The following VWC2L variants were observed in gnomAD, a reference collection of about 807,000 sequenced individuals.
VWC2L encodes von Willebrand factor C domain containing 2 like.
A neutral mutation model predicts 21.6 loss-of-function variants in VWC2L; 10 were observed. The ratio of observed to expected loss-of-function variants is 0.46; its 90% CI spans 0.29 to 0.78. The LOEUF (loss-of-function observed/expected upper bound fraction) is 0.78, where lower values mean the gene tolerates loss of function less well. VWC2L is among the 30% of genes least tolerant of loss of function. The pLI, the probability that VWC2L is intolerant of heterozygous loss-of-function variation, is 0.10. For missense variants in VWC2L, 209 were observed against 277.1 expected (o/e 0.75, Z 1.74); for synonymous variants, 96 against 94.3 (o/e 1.02, Z -0.10).
In VWC2L at chr2:214,503,743, A is replaced by C. The variant is rs1020117078; in HGVS notation, c.520+66985A>C. Reference sequence around the variant, plus strand: ...AACCAGAAATGAGAAAAAAAAAAAAACAGAAATGATAAAAGTTTCTGTTTC... The same window carrying C: ...AACCAGAAATGAGAAAAAAAAAAAACCAGAAATGATAAAAGTTTCTGTTTC... On this transcript the variant is annotated intron_variant, in intron 3 of 3. Coordinates refer to ENST00000312504, the MANE Select transcript of VWC2L (RefSeq NM_001080500.4). Among the ~76,000 whole-genome samples the C allele has an allele frequency of 3.3e-5, 5 of 150,112 alleles. No homozygotes were observed. In the East Asian group the frequency reaches 5.9e-4, roughly 18 times the overall value.
intron 2 of VWC2L, among the ~76,000 whole-genome samples, chr2:214,416,751 G>T (rs775849139): frequency 2.6e-5 from 4 of 152,046 alleles, no homozygotes; most frequent in African/African-American, 4.8e-5. Flanking sequence ...TTGATCCATA[G>T]TGGTATTGAC....
At chr2:214,555,292 C>T (rs1417777940) in intron 3 of VWC2L, among the ~76,000 whole-genome samples, 1 of 152,172 alleles carries the variant, frequency 6.6e-6, no homozygotes, top group African/African-American at 2.4e-5. Context: ...CTGCTTGTAA[C>T]TTCTACGTCT....
intron 3 of VWC2L, among the ~76,000 whole-genome samples, chr2:214,480,822 G>A (rs542696581): frequency 9.0e-4 from 119 of 132,376 alleles, no homozygotes; most frequent in Non-Finnish European, 1.2e-3. Context: ...CAGAATAAAA[G>A]GCTGAAAAAG....
At chr2:214,455,783 A>G (rs1381187347) in intron 3 of VWC2L, among the ~76,000 whole-genome samples, 1 of 152,152 alleles carries the variant, frequency 6.6e-6, no homozygotes, top group Non-Finnish European at 1.5e-5. Flanking sequence ...TCCCACATGT[A>G]AGTGTAAACA....
chr2:214,455,606 T>C (rs1703045468), intron 3 of VWC2L, among the ~76,000 whole-genome samples: 1 of 152,206 alleles, frequency 6.6e-6, no homozygotes, highest in Non-Finnish European at 1.5e-5. Flanking sequence ...TTAACTATAG[T>C]CACCTTACTT....
chr2:214,500,893 C>A (rs555458722), intron 3 of VWC2L, among the ~76,000 whole-genome samples: 17 of 152,310 alleles, frequency 1.1e-4, no homozygotes, highest in African/African-American at 3.4e-4. Context: ...AGACCTTTCT[C>A]AGTGTTTTCA....
At chr2:214,477,254 A>G (rs1688538504) in intron 3 of VWC2L, among the ~76,000 whole-genome samples, 1 of 152,200 alleles carries the variant, frequency 6.6e-6, no homozygotes, top group Non-Finnish European at 1.5e-5. Context: ...TCCTATAGCA[A>G]TGTTGGGAAA....
chr2:214,516,782 C>T (rs1388756129), intron 3 of VWC2L, among the ~76,000 whole-genome samples: 1 of 152,010 alleles, frequency 6.6e-6, no homozygotes, highest in East Asian at 1.9e-4. Context: ...GGCATGTAGA[C>T]TTACGTTTGG....
chr2:214,551,818 T>C (rs1179794035), intron 3 of VWC2L, among the ~76,000 whole-genome samples: 1 of 152,158 alleles, frequency 6.6e-6, no homozygotes, highest in Non-Finnish European at 1.5e-5. Flanking sequence ...GAAGCCAGGG[T>C]ATTTCTCCCA....
In VWC2L at chr2:214,441,410, A is replaced by T. The variant is rs918260141; in HGVS notation, c.520+4652A>T. Among the ~76,000 whole-genome samples the T allele has an allele frequency of 1.6e-4, 24 of 152,210 alleles. No homozygotes were observed. The East Asian group carries it at 4.0e-3, about 26-fold the overall frequency. On this transcript the variant is annotated intron_variant, in intron 3 of 3. Coordinates refer to ENST00000312504, the MANE Select transcript of VWC2L (RefSeq NM_001080500.4). ...TGAATTGTCTAATAAATATATAAAA[A>T]ATATATAATAATCACCAAATGGATA...
At chr2:214,472,858 C>A (rs995088610) in intron 3 of VWC2L, among the ~76,000 whole-genome samples, 6 of 152,214 alleles carry the variant, frequency 3.9e-5, no homozygotes, top group African/African-American at 1.2e-4. Context: ...GCAGGCTTGT[C>A]ATTTCAGTGT....
At chr2:214,570,546 A>G (rs917363176) in intron 3 of VWC2L, among the ~76,000 whole-genome samples, 1 of 151,914 alleles carries the variant, frequency 6.6e-6, no homozygotes, top group African/African-American at 2.4e-5. Flanking sequence ...TGCATTTTTC[A>G]TAGTGATGGG....
intron 2 of VWC2L, among the ~76,000 whole-genome samples, chr2:214,418,700 C>A (rs925618179): frequency 2.0e-4 from 30 of 152,026 alleles, no homozygotes; most frequent in African/African-American, 7.3e-4. Context: ...GTAATCAAAC[C>A]TATAGGATAA....
At chr2:214,558,218 G>A (rs374640311) in intron 3 of VWC2L, among the ~76,000 whole-genome samples, 1 of 151,742 alleles carries the variant, frequency 6.6e-6, no homozygotes, top group African/African-American at 2.4e-5. Context: ...GTCTTCTTAG[G>A]TGGCTCCATC....
intron 3 of VWC2L, among the ~76,000 whole-genome samples, chr2:214,527,129 A>C (rs952387706): frequency 3.3e-5 from 5 of 152,166 alleles, no homozygotes; most frequent in African/African-American, 1.2e-4. Flanking sequence ...CATTATACTA[A>C]GCAAATTAAC....
intron 3 of VWC2L, among the ~76,000 whole-genome samples, chr2:214,463,601 A>C (rs1162013529): frequency 6.6e-6 from 1 of 152,102 alleles, no homozygotes; most frequent in African/African-American, 2.4e-5. Context: ...TTATCAGTTT[A>C]ATTTTTTCTG....
At chr2:214,478,441 T>A (rs1357387763) in intron 3 of VWC2L, among the ~76,000 whole-genome samples, 1 of 150,396 alleles carries the variant, frequency 6.6e-6, no homozygotes, top group Non-Finnish European at 1.5e-5. Flanking sequence ...ATCGCGCCAC[T>A]GCACTCTAGC....
At chr2:214,435,880 C>T (rs1261268210) in intron 2 of VWC2L, among the ~76,000 whole-genome samples, 7 of 152,124 alleles carry the variant, frequency 4.6e-5, no homozygotes, top group East Asian at 3.8e-4. Context: ...TAAACACTCT[C>T]GGCCGGTAAG....
At position 214,482,893 on chromosome 2, in the gene VWC2L, C is replaced by T. The variant is rs538047181; in HGVS notation, c.520+46135C>T. ...CTGGATTCTGAGCATCTGCCCCATT[C>T]GAGGGGGCGGGGCAGAAGTGTCAAA... On this transcript the variant is annotated intron_variant, in intron 3 of 3. Coordinates refer to ENST00000312504, the MANE Select transcript of VWC2L (RefSeq NM_001080500.4). Among the ~76,000 whole-genome samples, 15 of 152,132 alleles carry T rather than the reference C, an allele frequency of 9.9e-5. No homozygotes were observed. The South Asian group carries it at 1.5e-3, about 15-fold the overall frequency.
Sources: gnomAD v4.1 joint callset for allele counts (sites outside exome capture counted in the v4.1 genomes callset) on GRCh38, gnomAD v4.1.1 for gene constraint, MANE v1.5 for transcripts, NCBI Gene and HGNC (gene_info 2026-07-23, HGNC 2026-07-21) for gene names.